KIAA1217: variants seen among roughly 807,000 people sequenced by gnomAD.
KIAA1217 encodes KIAA1217.
In KIAA1217, 88 loss-of-function variants were observed where a neutral mutation model predicts 163.9. The ratio of observed to expected loss-of-function variants is 0.54; its 90% CI spans 0.45 to 0.64. The LOEUF is 0.64. Ranked by LOEUF, KIAA1217 falls within the 30% of genes least tolerant of loss-of-function variation. The pLI is 0.00. For missense variants in KIAA1217, 2,372 were observed against 2,475.0 expected (o/e 0.96, Z 0.88); for synonymous variants, 903 against 923.1 (o/e 0.98, Z 0.39).
chr10:23,912,522 A>T (rs1842479269), intron 1 of KIAA1217, among the ~76,000 whole-genome samples: 1 of 152,072 alleles, frequency 6.6e-6, no homozygotes, highest in East Asian at 1.9e-4. Context: ...AGTGTCTGTT[A>T]TTACTTTGTG....
chr10:24,240,621 T>C (rs768730184), intron 2 of KIAA1217, among the ~76,000 whole-genome samples: 5 of 152,192 alleles, frequency 3.3e-5, no homozygotes, highest in Admixed American at 1.3e-4. Context: ...AGTAAATTCA[T>C]GTCCTTAGGC....
intron 6 of KIAA1217, among the ~76,000 whole-genome samples, chr10:24,490,735 G>A (rs2065998200): frequency 6.6e-6 from 1 of 152,178 alleles, no homozygotes; most frequent in Non-Finnish European, 1.5e-5. Flanking sequence ...CTCCCACCCA[G>A]GAGAGAATGG....
At chr10:23,995,647 C>T (rs1414199650) in intron 1 of KIAA1217, among the ~76,000 whole-genome samples, 4 of 152,094 alleles carry the variant, frequency 2.6e-5, no homozygotes, top group African/African-American at 9.7e-5. Context: ...CAGGTTGAAG[C>T]GGCAATCCAG....
At chr10:24,160,629 A>G (rs1373207672) in intron 2 of KIAA1217, among the ~76,000 whole-genome samples, 1 of 152,194 alleles carries the variant, frequency 6.6e-6, no homozygotes, top group East Asian at 1.9e-4. Flanking sequence ...GAAGTTCTGC[A>G]AATGGATTTT....
chr10:24,175,050 C>T (rs527897869), intron 2 of KIAA1217, among the ~76,000 whole-genome samples: 8 of 151,654 alleles, frequency 5.3e-5, no homozygotes, highest in African/African-American at 1.9e-4. Flanking sequence ...TCAGTAGAGA[C>T]AGGGTCTCAC....
chr10:24,387,893 C>G (rs149604121), intron 3 of KIAA1217, among the ~76,000 whole-genome samples: 2 of 150,672 alleles, frequency 1.3e-5, no homozygotes, highest in Non-Finnish European at 3.0e-5. Context: ...CACTTCTCAA[C>G]GAAATAAAAG....
chr10:24,323,788 C>CGTGTGTGT lies in KIAA1217; in HGVS notation c.355-57044_355-57037dup, dbSNP rs60528535. Among the ~76,000 whole-genome samples the CGTGTGTGT allele has an allele frequency of 9.7e-3, 1,400 of 144,266 alleles. 36 individuals are homozygous for CGTGTGTGT. The highest frequency in any genetic ancestry group is 0.034 in the African/African-American group (1,312 of 38,550). The allele number at this position is 144,266 out of a possible 152,430, so 94.6% of individuals were successfully genotyped here. On this transcript the variant is annotated intron_variant, in intron 2 of 20. Coordinates refer to ENST00000376454, the MANE Select transcript of KIAA1217 (RefSeq NM_019590.5). The stretch of plus-strand genomic sequence containing the variant: ...GAAGACAATGCCCATGTTTTCTCTT[C>CGTGTGTGT]GTGTGTGTGTGTGTGTGTGTGTGTG...
intron 2 of KIAA1217, among the ~76,000 whole-genome samples, chr10:24,046,586 G>A (rs1465121755): frequency 1.3e-5 from 2 of 152,114 alleles, no homozygotes; most frequent in Non-Finnish European, 2.9e-5. Flanking sequence ...GAAGGAGGAA[G>A]TGCCACACTT....
intron 1 of KIAA1217, among the ~76,000 whole-genome samples, chr10:23,818,718 T>A (rs878983675): frequency 2.0e-5 from 3 of 152,152 alleles, no homozygotes; most frequent in Non-Finnish European, 4.4e-5. Flanking sequence ...TTGGTTGCCT[T>A]GGCAATAATT....
chr10:24,433,796 TG>T (rs1037088874), intron 4 of KIAA1217, among the ~76,000 whole-genome samples: 1 of 152,156 alleles, frequency 6.6e-6, no homozygotes, highest in Admixed American at 6.5e-5. Context: ...ATAAAAGCAG[TG>T]GGCTCTGTAT....
At chr10:24,199,912 G>A (rs1304470390) in intron 2 of KIAA1217, among the ~76,000 whole-genome samples, 2 of 151,952 alleles carry the variant, frequency 1.3e-5, no homozygotes, top group African/African-American at 4.8e-5. Flanking sequence ...CTCCTGAGCA[G>A]CATTTAGGAG....
rs534901210 is a variant in KIAA1217, at chr10:24,414,199, C to T, written c.554-18796C>T. 3.3e-5 allele frequency among the ~76,000 whole-genome samples: 5 copies of T among 152,324 alleles called. No individual in the cohort carries two copies. The South Asian group carries it at 1.0e-3, about 32-fold the overall frequency. ...GTCTGCTTTGCTTTAGTTGTTCCTC[C>T]TTGCATAAGTATGCCACATAGGTTG... On this transcript the variant is annotated intron_variant, in intron 3 of 20. Coordinates refer to ENST00000376454, the MANE Select transcript of KIAA1217 (RefSeq NM_019590.5).
chr10:24,292,819 G>T (rs1478286688), intron 2 of KIAA1217, among the ~76,000 whole-genome samples: 1 of 151,964 alleles, frequency 6.6e-6, no homozygotes, highest in Admixed American at 6.6e-5. Flanking sequence ...GCCGCTACTT[G>T]AAGTTCTTCA....
chr10:23,804,241 T>C (rs556659754), intron 1 of KIAA1217, among the ~76,000 whole-genome samples: 140 of 152,250 alleles, frequency 9.2e-4, no homozygotes, highest in Non-Finnish European at 1.6e-3. Flanking sequence ...TTAAATCAAC[T>C]GCCAGGATAC....
At chr10:24,221,986 C>T (rs2069717137) in intron 2 of KIAA1217, among the ~76,000 whole-genome samples, 1 of 152,108 alleles carries the variant, frequency 6.6e-6, no homozygotes, top group Admixed American at 6.6e-5. Flanking sequence ...GTCTCTAAAA[C>T]AAAAGTATCA....
At chr10:24,126,324 A>T (rs1298110143) in intron 2 of KIAA1217, among the ~76,000 whole-genome samples, 1 of 152,020 alleles carries the variant, frequency 6.6e-6, no homozygotes, top group Non-Finnish European at 1.5e-5. Flanking sequence ...TTTTGGTTCA[A>T]TTGCTATAGT....
chr10:24,484,404 C>A (rs2065125172), intron 6 of KIAA1217, among the ~76,000 whole-genome samples: 2 of 151,032 alleles, frequency 1.3e-5, no homozygotes, highest in Admixed American at 6.6e-5. Flanking sequence ...ACCACAGTAG[C>A]CCAGCTAATT....
At position 24,388,336 on chromosome 10, in the gene KIAA1217, C is replaced by T. The variant is rs192936156; in HGVS notation, c.553+7269C>T. ...TCCCTATTTATTTAATAAATGGTGC[C>T]GGGAAAACTGGCTAGCCATATGTGG... On this transcript the variant is annotated intron_variant, in intron 3 of 20. Coordinates refer to ENST00000376454, the MANE Select transcript of KIAA1217 (RefSeq NM_019590.5). 8.4e-3 allele frequency among the ~76,000 whole-genome samples: 1,281 copies of T among 152,052 alleles called. 16 individuals are homozygous for T. The highest frequency in any genetic ancestry group is 0.027 in the African/African-American group (1,109 of 41,474).
intron 2 of KIAA1217, among the ~76,000 whole-genome samples, chr10:24,376,824 G>A (rs747742580): frequency 5.9e-5 from 9 of 152,124 alleles, no homozygotes; most frequent in Non-Finnish European, 8.8e-5. Context: ...TCTGGAGTGC[G>A]CCACACGTGA....
Sources: allele counts gnomAD v4.1 joint callset (sites outside exome capture counted in the v4.1 genomes callset), GRCh38; gene constraint gnomAD v4.1.1; transcripts MANE v1.5; gene names NCBI Gene and HGNC (gene_info 2026-07-23, HGNC 2026-07-21).